The following SIPA1L1 variants were observed in gnomAD, a reference collection of about 807,000 sequenced individuals.
SIPA1L1 encodes signal-induced proliferation-associated 1-like protein 1.
Under a neutral mutation model 162.7 loss-of-function variants are expected in SIPA1L1, and 26 were observed. The observed-to-expected ratio is 0.16, with a 90% CI of 0.12 to 0.22. SIPA1L1 has a LOEUF of 0.22. Ranked by LOEUF, SIPA1L1 falls within the 10% of genes least tolerant of loss-of-function variation. The pLI is 1.00. For missense variants in SIPA1L1, 1,874 were observed against 2,241.0 expected (o/e 0.84, Z 3.31); for synonymous variants, 829 against 837.4 (o/e 0.99, Z 0.17).
chr14:71,440,350 A>G (rs563882678), intron 2 of SIPA1L1, among the ~76,000 whole-genome samples: 1 of 152,246 alleles, frequency 6.6e-6, no homozygotes, highest in Admixed American at 6.5e-5. Context: ...CATAAGTAAG[A>G]TGATTAAAAA....
intron 5 of SIPA1L1, among the ~76,000 whole-genome samples, chr14:71,596,701 A>G (rs1039717155): frequency 6.6e-6 from 1 of 152,206 alleles, no homozygotes; most frequent in Non-Finnish European, 1.5e-5. Flanking sequence ...TAGTGCAGTT[A>G]AGATGAATGG....
chr14:71,552,647 C>T (rs1283383211), intron 4 of SIPA1L1, among the ~76,000 whole-genome samples: 6 of 152,016 alleles, frequency 3.9e-5, no homozygotes, highest in African/African-American at 9.7e-5. Flanking sequence ...CCGCCCGCCT[C>T]GGCCTCCCAG....
At chr14:71,501,602 G>A (rs1172813874) in intron 2 of SIPA1L1, among the ~76,000 whole-genome samples, 1 of 152,210 alleles carries the variant, frequency 6.6e-6, no homozygotes, top group Non-Finnish European at 1.5e-5. Flanking sequence ...GGTGGCTTCT[G>A]AGGTGTTGGT....
intron 7 of SIPA1L1, among the ~76,000 whole-genome samples, chr14:71,631,004 C>T (rs1449191668): frequency 6.6e-6 from 1 of 151,988 alleles, no homozygotes; most frequent in South Asian, 2.1e-4. Context: ...GCATTTCTCC[C>T]AATGCTATCC....
In SIPA1L1 at chr14:71,587,981, C is replaced by T. The variant is rs1297221334; in HGVS notation, c.109C>T (p.Arg37Trp). The change falls in exon 5 of 24, where the codon CGG becomes TGG. Residue 37 changes from arginine to tryptophan, a missense_variant. By Grantham distance (101) the Arg-to-Trp change is moderately radical. This residue lies in a region of SIPA1L1 where 685 missense variants were observed against 828.0 expected (regional missense o/e 0.83). Transcript: ENST00000381232. ...PKVHTDDFYM[R>W]RFRSQNGSLG... is the part of the protein sequence containing the mutation. ...AGTCCACACTGATGATTTCTACATG[C>T]GGCGCTTCCGGTCCCAAAATGGCAG... The T allele has an allele frequency of 7.4e-6, 12 of 1,613,978 alleles. No homozygotes were observed. The highest frequency in any genetic ancestry group is 1.7e-5 in the Admixed American group (1 of 60,002).
At chr14:71,490,180 TAA>T (rs928699086) in intron 2 of SIPA1L1, among the ~76,000 whole-genome samples, 2 of 152,234 alleles carry the variant, frequency 1.3e-5, no homozygotes, top group Non-Finnish European at 2.9e-5. Flanking sequence ...AAAGTGGTAA[TAA>T]GTTATTTTGA....
rs547671260 is a variant in SIPA1L1 at position 71,486,582 on chromosome 14, G to T, written c.-464-26161G>T. Reference sequence around the variant, plus strand: ...ACTTCTATCGCTAAAGAAGGGGAGCGGAGTGGAAACTGAGTTTGAAAAAGT... The same window carrying T: ...ACTTCTATCGCTAAAGAAGGGGAGCTGAGTGGAAACTGAGTTTGAAAAAGT... On this transcript the variant is annotated intron_variant, in intron 2 of 23. Coordinates refer to ENST00000381232, the MANE Select transcript of SIPA1L1 (RefSeq NM_001386936.1). 3.2e-4 allele frequency among the ~76,000 whole-genome samples: 49 copies of T among 152,300 alleles called. No individual in the cohort carries two copies. The East Asian group carries it at 6.2e-3, about 19-fold the overall frequency.
intron 13 of SIPA1L1, 24 bp from the exon 14 acceptor site, chr14:71,698,957 C>G (rs746264222): frequency 1.2e-6 from 2 of 1,613,874 alleles, no homozygotes; most frequent in South Asian, 2.2e-5. Context: ...TTGTTGACTT[C>G]ATGTTTTTGT....
intron 2 of SIPA1L1, among the ~76,000 whole-genome samples, chr14:71,367,701 G>A (rs569267651): frequency 7.7e-4 from 116 of 150,308 alleles, no homozygotes; most frequent in Non-Finnish European, 1.4e-3. Context: ...CTGCCTCCGG[G>A]GTTCAAGCGA....
At chr14:71,637,584 A>C (rs904697113) in intron 7 of SIPA1L1, among the ~76,000 whole-genome samples, 1 of 152,076 alleles carries the variant, frequency 6.6e-6, no homozygotes, top group Admixed American at 6.5e-5. Flanking sequence ...TTAAAAAAAA[A>C]GTATCCAGGC....
intron 9 of SIPA1L1, among the ~76,000 whole-genome samples, chr14:71,660,150 A>G (rs999548346): frequency 1.3e-5 from 2 of 152,202 alleles, no homozygotes; most frequent in African/African-American, 4.8e-5. Flanking sequence ...CAGGAATGGC[A>G]TAACATGTAG....
At chr14:71,703,668 T>G (rs958646455) in intron 15 of SIPA1L1, among the ~76,000 whole-genome samples, 4 of 152,208 alleles carry the variant, frequency 2.6e-5, no homozygotes, top group Non-Finnish European at 5.9e-5. Context: ...TAACGACACA[T>G]GTGAAAAGGA....
At chr14:71,597,740 C>G (rs914501541) in intron 5 of SIPA1L1, among the ~76,000 whole-genome samples, 2 of 152,172 alleles carry the variant, frequency 1.3e-5, no homozygotes, top group Admixed American at 1.3e-4. Flanking sequence ...TCTTCCTTTC[C>G]TCTCTTGCCT....
intron 2 of SIPA1L1, among the ~76,000 whole-genome samples, chr14:71,511,777 G>A (rs2051173076): frequency 6.6e-6 from 1 of 152,174 alleles, no homozygotes; most frequent in Admixed American, 6.5e-5. Context: ...TGTGAGTAGA[G>A]GTTTGGAACT....
intron 8 of SIPA1L1, among the ~76,000 whole-genome samples, chr14:71,651,812 G>A (rs906085461): frequency 6.6e-6 from 1 of 152,202 alleles, no homozygotes; most frequent in Admixed American, 6.5e-5. Flanking sequence ...GTATCGTTAA[G>A]CAACATGACA....
intron 2 of SIPA1L1, among the ~76,000 whole-genome samples, chr14:71,436,223 T>C (rs1014754576): frequency 6.6e-5 from 10 of 152,232 alleles, no homozygotes; most frequent in Non-Finnish European, 1.5e-4. Flanking sequence ...GCTAGTTTTT[T>C]CCAGTGGGTT....
intron 13 of SIPA1L1, among the ~76,000 whole-genome samples, chr14:71,692,261 A>T (rs1044702516): frequency 7.9e-5 from 12 of 152,228 alleles, no homozygotes; most frequent in Non-Finnish European, 8.8e-5. Flanking sequence ...TTAAACATAG[A>T]TATAAGTAGA....
chr14:71,683,631 G>A (rs117065905), intron 12 of SIPA1L1, among the ~76,000 whole-genome samples: 210 of 152,304 alleles, frequency 1.4e-3, no homozygotes, highest in Non-Finnish European at 2.5e-3. Flanking sequence ...AAGGGTTGCA[G>A]TGGCATATTT....
At chr14:71,388,421 A>G (rs2040503018) in intron 2 of SIPA1L1, among the ~76,000 whole-genome samples, 1 of 152,218 alleles carries the variant, frequency 6.6e-6, no homozygotes, top group South Asian at 2.1e-4. Context: ...TGTGTACATT[A>G]AGGATTTAAG....
Sources: allele counts gnomAD v4.1 joint callset (sites outside exome capture counted in the v4.1 genomes callset), GRCh38; gene constraint gnomAD v4.1.1; regional missense constraint gnomAD v4.1.1; transcripts MANE v1.5; gene names NCBI Gene and HGNC (gene_info 2026-07-23, HGNC 2026-07-21).